Variants in PRDM16 observed in about 807,000 individuals in gnomAD.
PRDM16 encodes the protein PR/SET domain 16, also known as histone-lysine N-methyltransferase PRDM16.
PRDM16 carries 23 observed loss-of-function variants against 110.6 expected under a neutral mutation model. The ratio of observed to expected loss-of-function variants is 0.21; its 90% CI spans 0.15 to 0.29. The LOEUF (loss-of-function observed/expected upper bound fraction) is 0.29, where lower values mean the gene tolerates loss of function less well. Among genes scored for constraint, PRDM16 ranks in the 10% least tolerant of loss-of-function variants. The probability of loss-of-function intolerance (pLI) is 1.00; values close to 1 mark genes in which losing one functional copy is unlikely to be tolerated. For missense variants in PRDM16, 1,615 were observed against 1,794.3 expected (o/e 0.90, Z 1.81); for synonymous variants, 799 against 781.8 (o/e 1.02, Z -0.37).
At chr1:3,402,519 A>G (rs1458663847) in intron 5 of PRDM16, among the ~76,000 whole-genome samples, 1 of 152,224 alleles carries the variant, frequency 6.6e-6, no homozygotes, top group African/African-American at 2.4e-5. Flanking sequence ...AGGCACAGGC[A>G]GGGCCGGGTG....
intron 3 of PRDM16, among the ~76,000 whole-genome samples, chr1:3,362,910 G>T (rs927514320): frequency 3.9e-5 from 6 of 152,176 alleles, no homozygotes; most frequent in Admixed American, 3.3e-4. Flanking sequence ...ACTGTTCGGG[G>T]TTCACACAGG....
chr1:3,076,057 G>A (rs929403729), intron 1 of PRDM16, among the ~76,000 whole-genome samples: 3 of 152,284 alleles, frequency 2.0e-5, no homozygotes, highest in Admixed American at 1.3e-4. Flanking sequence ...TGCCCACCTC[G>A]AGGCCCTGCT....
intron 2 of PRDM16, among the ~76,000 whole-genome samples, chr1:3,196,989 G>A (rs142871772): frequency 2.6e-4 from 40 of 152,294 alleles, no homozygotes; most frequent in African/African-American, 6.3e-4. Context: ...CTGTGCAGCC[G>A]CTGAGGCTGG....
Position 3,350,302 on chromosome 1 carries a change from G to C in PRDM16, c.439-34850G>C, listed in dbSNP as rs1003865460. ...GATCACACCACTATACTCCAGCCTG[G>C]GCGAGAGAGTGAGACCCTGTCTCAA... On this transcript the variant is annotated intron_variant, in intron 3 of 16. Coordinates refer to ENST00000270722, the MANE Select transcript of PRDM16 (RefSeq NM_022114.4). This position sits in a 1 kb window ranked among gnomAD's most constrained non-coding sequence, Gnocchi z 7.1. Among the ~76,000 whole-genome samples the C allele has an allele frequency of 6.6e-6, 1 of 152,142 alleles. No homozygotes were observed. The highest frequency in any genetic ancestry group is 1.5e-5 in the Non-Finnish European group (1 of 68,032).
intron 3 of PRDM16, among the ~76,000 whole-genome samples, chr1:3,349,449 CTG>C: frequency 6.6e-6 from 1 of 152,318 alleles, no homozygotes; most frequent in South Asian, 2.1e-4. Flanking sequence ...GCAGGGCTGT[CTG>C]CACTGCCCGT....
intron 1 of PRDM16, among the ~76,000 whole-genome samples, chr1:3,103,994 G>A (rs749300159): frequency 1.3e-5 from 2 of 152,248 alleles, no homozygotes; most frequent in Admixed American, 1.3e-4. Context: ...AAACCCAGCA[G>A]CTTTCCATAA....
intron 1 of PRDM16, among the ~76,000 whole-genome samples, chr1:3,113,957 G>T (rs745858608): frequency 2.0e-5 from 3 of 152,170 alleles, no homozygotes; most frequent in African/African-American, 7.2e-5. Context: ...TCTCCCACTC[G>T]GGATGTGAAG....
At chr1:3,426,321 C>A in intron 14 of PRDM16, 96 bp downstream of exon 14, 2 of 1,022,362 alleles carry the variant, frequency 2.0e-6, no homozygotes, top group South Asian at 1.5e-5. Flanking sequence ...CCAGCACCAG[C>A]CCCTAACACA....
In PRDM16 at chr1:3,209,934, C is replaced by T. The variant is rs1264522563; in HGVS notation, c.387+23460C>T. ...CCTGTGTTAGCCCTTTCACAGAACT[C>T]TTACTTAACATGGAAAATATCGTAG... On this transcript the variant is annotated intron_variant, in intron 2 of 16. Coordinates refer to ENST00000270722, the MANE Select transcript of PRDM16 (RefSeq NM_022114.4). The surrounding 1 kb of genome is among the most constrained non-coding windows in gnomAD (Gnocchi z 4.6). Among the ~76,000 whole-genome samples the T allele has an allele frequency of 6.6e-6, 1 of 152,184 alleles. No individual in the cohort carries two copies. The highest frequency in any genetic ancestry group is 1.5e-5 in the Non-Finnish European group (1 of 68,042).
At chr1:3,297,520 G>T (rs146979014) in intron 3 of PRDM16, among the ~76,000 whole-genome samples, 23 of 152,248 alleles carry the variant, frequency 1.5e-4, no homozygotes, top group Non-Finnish European at 3.1e-4. Context: ...CTGACCTCAG[G>T]TGATCCACCC....
chr1:3,240,895 C>T (rs1265874179), intron 2 of PRDM16, among the ~76,000 whole-genome samples: 1 of 152,252 alleles, frequency 6.6e-6, no homozygotes, highest in Non-Finnish European at 1.5e-5. Context: ...AGAGGTCAGA[C>T]CTCGCTTTTT....
intron 1 of PRDM16, among the ~76,000 whole-genome samples, chr1:3,134,932 A>ACGGC (rs957685805): frequency 6.6e-6 from 1 of 152,062 alleles, no homozygotes; most frequent in Non-Finnish European, 1.5e-5. Flanking sequence ...CGGGGATTAG[A>ACGGC]CGGCCGAGCT....
At chr1:3,323,149 G>A (rs1293179650) in intron 3 of PRDM16, among the ~76,000 whole-genome samples, 2 of 152,272 alleles carry the variant, frequency 1.3e-5, no homozygotes, top group East Asian at 1.9e-4. Context: ...CTTTTCAAAC[G>A]GGGTTTCAAA....
chr1:3,215,193 G>C (rs1401050746), intron 2 of PRDM16, among the ~76,000 whole-genome samples: 1 of 152,218 alleles, frequency 6.6e-6, no homozygotes, highest in African/African-American at 2.4e-5. Flanking sequence ...TCCCCAAGAA[G>C]TCCACTCCTA....
intron 1 of PRDM16, among the ~76,000 whole-genome samples, chr1:3,134,786 T>A (rs12724921): frequency 0.047 from 7,211 of 152,352 alleles, 239 homozygotes; most frequent in Non-Finnish European, 0.067. Flanking sequence ...AAAAATGTCC[T>A]TAAGCCTAGC....
In PRDM16 at chr1:3,435,702, C is replaced by A; in HGVS notation, c.*1891C>A. 1 of 232,558 alleles carries A rather than the reference C, an allele frequency of 4.3e-6. No homozygotes were observed. The highest frequency in any genetic ancestry group is 8.5e-6 in the Non-Finnish European group (1 of 117,744). 14.4% of individuals were successfully genotyped at this position (232,558 alleles called of 1,614,324 possible). A position where few individuals can be genotyped will look rare whatever the true frequency, so the allele number is the denominator to read the frequency against. On this transcript the variant is annotated 3_prime_UTR_variant, in exon 17 of 17. Transcript: ENST00000270722. Reference sequence around the variant, plus strand: ...CAGGCTTTGTGTCACGCGTGGACATCTCCTCAGGCTGTCCCCAGCGGTGAC... The same window carrying A: ...CAGGCTTTGTGTCACGCGTGGACATATCCTCAGGCTGTCCCCAGCGGTGAC...
chr1:3,339,591 C>T lies in PRDM16; in HGVS notation c.439-45561C>T, dbSNP rs1368745359. Among the ~76,000 whole-genome samples the T allele has an allele frequency of 1.3e-5, 2 of 152,000 alleles. No homozygotes were observed. The highest frequency in any genetic ancestry group is 2.1e-4 in the South Asian group (1 of 4,814). ...AGGAGCGTGGGAGGAGGCTGCGGAG[C>T]GACCATTGCCTTGGTCTCGCTCACA... On this transcript the variant is annotated intron_variant, in intron 3 of 16. Transcript: ENST00000270722. The surrounding 1 kb of genome is among the most constrained non-coding windows in gnomAD (Gnocchi z 5.0).
chr1:3,263,608 G>A (rs1640218973), intron 3 of PRDM16, among the ~76,000 whole-genome samples: 2 of 152,194 alleles, frequency 1.3e-5, no homozygotes, highest in African/African-American at 2.4e-5. Context: ...CAAGGCACAC[G>A]GCCCATATGT....
chr1:3,362,956 A>G (rs1642744229), intron 3 of PRDM16, among the ~76,000 whole-genome samples: 1 of 152,154 alleles, frequency 6.6e-6, no homozygotes, highest in Non-Finnish European at 1.5e-5. Context: ...TGGTCTCGGG[A>G]TTTGAAGACA....
Sources: allele counts gnomAD v4.1 joint callset (sites outside exome capture counted in the v4.1 genomes callset), GRCh38; gene constraint gnomAD v4.1.1; non-coding constraint Gnocchi (gnomAD v3.1); transcripts MANE v1.5; gene names NCBI Gene and HGNC (gene_info 2026-07-23, HGNC 2026-07-21).